DNAH12: variants seen among roughly 807,000 people sequenced by gnomAD.
DNAH12 encodes dynein axonemal heavy chain 12, also known as axonemal beta dynein heavy chain 12.
A neutral mutation model predicts 371.5 loss-of-function variants in DNAH12; 285 were observed. That is an observed-to-expected ratio of 0.77 (90% confidence interval 0.70 to 0.85). The LOEUF (loss-of-function observed/expected upper bound fraction) is 0.85. DNAH12 is among the 40% of genes least tolerant of loss of function. The probability of loss-of-function intolerance (pLI) is 0.00; values close to 1 mark genes in which losing one functional copy is unlikely to be tolerated. For missense variants in DNAH12, 3,611 were observed against 3,689.4 expected, an observed-to-expected ratio of 0.98 and a Z score of 0.55; for synonymous variants, 1,200 against 1,213.0, an observed-to-expected ratio of 0.99 and a Z score of 0.22.
rs2065487175 is a variant in DNAH12, at chr3:57,446,109, C to T, written c.4101G>A (p.Lys1367=). 6.4e-7 allele frequency: 1 copy of T among 1,551,554 alleles called. No individual in the cohort carries two copies. The change falls in exon 27 of 74, where the codon AAG becomes AAA. Residue 1367 remains lysine, a synonymous_variant. Coordinates refer to ENST00000495027, the MANE Select transcript of DNAH12 (RefSeq NM_001366028.2). ...TAGCTACAAAACAATTCGGATTGAG[C>T]TTAAGTTCTGTCCCTTCAAAAACAA... is the stretch of plus-strand genomic sequence containing the variant. ...VVFVFEGTEL[K]LNPNCFVAIT...
intron 62 of DNAH12, among the ~76,000 whole-genome samples, chr3:57,331,450 A>C (rs1024773321): frequency 6.6e-6 from 1 of 152,140 alleles, no homozygotes; most frequent in Non-Finnish European, 1.5e-5. Flanking sequence ...ATGTCTATAC[A>C]CAGACACATA....
intron 29 of DNAH12, among the ~76,000 whole-genome samples, chr3:57,437,650 A>G (rs2065170490): frequency 6.6e-6 from 1 of 152,190 alleles, no homozygotes; most frequent in Non-Finnish European, 1.5e-5. Context: ...AGAGATTTTA[A>G]TGGTTGTGTG....
chr3:57,352,808 G>C (rs2062710628), intron 59 of DNAH12, among the ~76,000 whole-genome samples: 1 of 152,188 alleles, frequency 6.6e-6, no homozygotes, highest in Admixed American at 6.6e-5. Context: ...GCATGAAAAG[G>C]TCAGGCGCAG....
rs995422382 is a variant in DNAH12, at chr3:57,387,144, G to C, written c.7381C>G (p.Gln2461Glu). ...ETLELTEVEQ[Q>E]EIVPICKHFH... ...TGTTTACAGATTGGAACTATCTCTT[G>C]TTGTTCAACCTCAGTAAGCTCCAGT... The change falls in exon 46 of 74, where the codon CAA (glutamine) becomes GAA (glutamate). Residue 2461 changes from glutamine to glutamate, a missense_variant. Physicochemically the swap from Gln to Glu is conservative, Grantham distance 29. Coordinates refer to ENST00000495027, the MANE Select transcript of DNAH12 (RefSeq NM_001366028.2). The C allele has an allele frequency of 7.9e-5, 12 of 152,132 alleles. No homozygotes were observed. The highest frequency in any genetic ancestry group is 1.6e-4 in the Non-Finnish European group (11 of 68,020). 9.4% of individuals were successfully genotyped at this position (152,132 alleles called of 1,614,324 possible).
At chr3:57,335,090 C>G in intron 60 of DNAH12, 150 bp from the exon 61 acceptor site, 1 of 869,288 alleles carries the variant, frequency 1.2e-6, no homozygotes, top group Non-Finnish European at 1.7e-6. Context: ...ATTAATGAAA[C>G]AACTGTTTTT....
intron 2 of DNAH12, among the ~76,000 whole-genome samples, chr3:57,524,622 T>C (rs2068570937): frequency 6.6e-6 from 1 of 151,972 alleles, no homozygotes; most frequent in Non-Finnish European, 1.5e-5. Context: ...GCCATATAGG[T>C]ACCCTGTGGT....
chr3:57,481,186 A>G (rs1165910980), intron 13 of DNAH12, among the ~76,000 whole-genome samples: 1 of 152,230 alleles, frequency 6.6e-6, no homozygotes, highest in Non-Finnish European at 1.5e-5. Flanking sequence ...GTCTCAGCCC[A>G]AAATCTCCTT....
chr3:57,449,804 G>A (rs373876601), intron 25 of DNAH12, among the ~76,000 whole-genome samples: 9 of 152,206 alleles, frequency 5.9e-5, no homozygotes, highest in East Asian at 5.8e-4. Flanking sequence ...ACAGTGCAGC[G>A]GCGGGCCGAA....
At chr3:57,421,402 G>T in intron 36 of DNAH12, 116 bp downstream of exon 36, 2 of 890,464 alleles carry the variant, frequency 2.2e-6, no homozygotes, top group Non-Finnish European at 1.7e-6. Context: ...AAAGAAGGGA[G>T]CTTAAAAAGC....
At chr3:57,362,107 T>C (rs969017769) in intron 58 of DNAH12, among the ~76,000 whole-genome samples, 1 of 149,476 alleles carries the variant, frequency 6.7e-6, no homozygotes, top group Non-Finnish European at 1.5e-5. Context: ...AGTAAGAACA[T>C]GCAGTGTTTG....
chr3:57,396,780 C>A (rs1312272704), intron 43 of DNAH12, among the ~76,000 whole-genome samples: 1 of 152,186 alleles, frequency 6.6e-6, no homozygotes, highest in Non-Finnish European at 1.5e-5. Flanking sequence ...TCATGTTGGC[C>A]AGGCTGGTCT....
chr3:57,337,417 T>C (rs959014919), intron 60 of DNAH12, among the ~76,000 whole-genome samples: 15 of 152,178 alleles, frequency 9.9e-5, no homozygotes, highest in South Asian at 2.1e-4. Context: ...CCCAGCACTT[T>C]GGGAGGCCAA....
At chr3:57,503,130 A>G (rs1014631849) in intron 9 of DNAH12, among the ~76,000 whole-genome samples, 1 of 152,164 alleles carries the variant, frequency 6.6e-6, no homozygotes, top group Non-Finnish European at 1.5e-5. Flanking sequence ...GCACATGCCT[A>G]TTGTCCCAGC....
chr3:57,429,724 G>A lies in DNAH12; in HGVS notation c.5031C>T (p.Leu1677=), dbSNP rs1208130783. The part of the protein sequence containing the change: ...EIIQMSPQMS[L]IFETMDLSQA... ...GGGAAAGGTCCATTGTTTCAAAGAT[G>A]AGGCTCATTTGGGGGGACATCTGAA... is the stretch of plus-strand genomic sequence containing the variant. Residue 1677 remains leucine, a synonymous_variant, in exon 33 of 74, where the codon CTC becomes CTT. Transcript: ENST00000495027. The A allele has an allele frequency of 6.5e-7, 1 of 1,536,146 alleles. No individual in the cohort carries two copies. The highest frequency in any genetic ancestry group is 2.5e-5 in the East Asian group (1 of 39,760).
At chr3:57,445,528 G>GCA in intron 27 of DNAH12, 109 bp from the exon 28 acceptor site, 2 of 994,954 alleles carry the variant, frequency 2.0e-6, no homozygotes, top group Non-Finnish European at 2.6e-6. Context: ...TCCAAATGCA[G>GCA]CACCTTTTTC....
chr3:57,452,736 A>G, intron 25 of DNAH12, 107 bp downstream of exon 25: 5 of 1,055,202 alleles, frequency 4.7e-6, no homozygotes, highest in Non-Finnish European at 5.3e-6. Flanking sequence ...TCAGGATTAG[A>G]AAGGGATAAT....
intron 40 of DNAH12, 128 bp from the exon 41 acceptor site, chr3:57,406,080 G>A (rs2064016134): frequency 1.5e-5 from 15 of 996,276 alleles, no homozygotes; most frequent in Middle Eastern, 6.5e-4. Context: ...GCTGGGCGCG[G>A]TGGCTCACAT....
chr3:57,304,862 A>G (rs2061436002), intron 69 of DNAH12, among the ~76,000 whole-genome samples: 1 of 151,684 alleles, frequency 6.6e-6, no homozygotes, highest in South Asian at 2.1e-4. Context: ...CTGGGGGGCA[A>G]GCACCCCCCA....
intron 73 of DNAH12, among the ~76,000 whole-genome samples, chr3:57,294,179 T>TC (rs897293100): frequency 1.4e-5 from 2 of 145,078 alleles, no homozygotes; most frequent in African/African-American, 5.1e-5. Context: ...TTCTTTTCTT[T>TC]TTTTTTTTTT....
Sources: allele counts gnomAD v4.1 joint callset (sites outside exome capture counted in the v4.1 genomes callset), GRCh38; gene constraint gnomAD v4.1.1; transcripts MANE v1.5; gene names NCBI Gene and HGNC (gene_info 2026-07-23, HGNC 2026-07-21).